KDM5A: variants seen among roughly 807,000 people sequenced by gnomAD.
KDM5A encodes lysine demethylase 5A.
In KDM5A, 42 loss-of-function variants were observed where a neutral mutation model predicts 193.5. The observed-to-expected ratio is 0.22, with a 90% confidence interval of 0.17 to 0.28. KDM5A has a LOEUF of 0.28. Ranked by LOEUF, KDM5A falls within the 10% of genes least tolerant of loss-of-function variation. The probability of loss-of-function intolerance (pLI) is 1.00; values close to 1 mark genes in which losing one functional copy is unlikely to be tolerated. For synonymous variants in KDM5A, 796 were observed against 718.1 expected (o/e 1.11, Z -1.73); for missense variants, 1,692 against 2,055.1 (o/e 0.82, Z 3.42).
chr12:321,114 T>C lies in KDM5A; in HGVS notation c.2427-5A>G. ...CTCCCACTATCTGGGCTCTGTCTGATGTGAAATAATATTGAGATATAAGTA... is the reference window on the plus strand; with the variant it reads ...CTCCCACTATCTGGGCTCTGTCTGACGTGAAATAATATTGAGATATAAGTA... On this transcript the variant is annotated splice_region_variant and splice_polypyrimidine_tract_variant and intron_variant, in intron 17 of 27. Coordinates refer to ENST00000399788, the MANE Select transcript of KDM5A (RefSeq NM_001042603.3). 3 of 1,590,386 alleles carry C rather than the reference T, an allele frequency of 1.9e-6. No individual in the cohort carries two copies. Among genetic ancestry groups the C allele is most frequent in the Non-Finnish European group, 2.6e-6 (3 of 1,158,448 alleles).
intron 27 of KDM5A, among the ~76,000 whole-genome samples, chr12:287,435 T>C (rs1199102239): frequency 2.6e-5 from 4 of 151,354 alleles, no homozygotes; most frequent in African/African-American, 7.3e-5. Flanking sequence ...GTTTAGCTTC[T>C]GAAGTCTGTG....
At chr12:380,009 C>G (rs1251666457) in intron 3 of KDM5A, among the ~76,000 whole-genome samples, 3 of 152,132 alleles carry the variant, frequency 2.0e-5, no homozygotes, top group East Asian at 1.9e-4. Flanking sequence ...TGGCTTGCAC[C>G]TGTAATCCCA....
intron 1 of KDM5A, among the ~76,000 whole-genome samples, chr12:387,469 A>G (rs1044839545): frequency 6.6e-6 from 1 of 152,238 alleles, no homozygotes; most frequent in Admixed American, 6.5e-5. Flanking sequence ...AGATTTGTTA[A>G]TATTAGGTAA....
At chr12:289,022 TTTGA>T (rs1323263479) in intron 27 of KDM5A, among the ~76,000 whole-genome samples, 1 of 152,226 alleles carries the variant, frequency 6.6e-6, no homozygotes, top group African/African-American at 2.4e-5. Context: ...ATGCAAATAC[TTTGA>T]TTGAGGCAAC....
In KDM5A at chr12:288,641, A is replaced by G. The variant is rs150850986; in HGVS notation, c.4867-2979T>C. On this transcript the variant is annotated intron_variant, in intron 27 of 27. Coordinates refer to ENST00000399788, the MANE Select transcript of KDM5A (RefSeq NM_001042603.3). ...GTGATATTCTTAGCTTACTAATTAA[A>G]CTGAGCTTTTGTTATTTTGGCATTT... Among the ~76,000 whole-genome samples the G allele has an allele frequency of 2.7e-3, 415 of 152,352 alleles. 2 individuals are homozygous for G. Among genetic ancestry groups the G allele is most frequent in the African/African-American group, 9.6e-3 (398 of 41,578 alleles).
chr12:297,018 A>C (rs748630896), intron 25 of KDM5A, 23 bp downstream of exon 25: 40 of 1,611,598 alleles, frequency 2.5e-5, no homozygotes, highest in Middle Eastern at 1.7e-4. Context: ...TATGTTCCCC[A>C]CAGTTTTTTA....
chr12:384,279 A>G (rs1944613139), intron 2 of KDM5A, 126 bp from the exon 3 acceptor site: 4 of 722,028 alleles, frequency 5.5e-6, no homozygotes, highest in Non-Finnish European at 1.0e-5. Context: ...ACCCAGCCAC[A>G]CAGCAGGAGG....
chr12:325,649 G>T (rs528990742), intron 14 of KDM5A, among the ~76,000 whole-genome samples: 1 of 152,076 alleles, frequency 6.6e-6, no homozygotes, highest in Admixed American at 6.6e-5. Context: ...ACTCCAACTC[G>T]GGCAACAGAG....
intron 10 of KDM5A, among the ~76,000 whole-genome samples, chr12:339,779 C>T (rs1943977601): frequency 6.6e-6 from 1 of 152,144 alleles, no homozygotes; most frequent in South Asian, 2.1e-4. Flanking sequence ...CAATGATTCT[C>T]ATCTCCTGAA....
At chr12:288,892 G>C (rs949457958) in intron 27 of KDM5A, among the ~76,000 whole-genome samples, 2 of 152,244 alleles carry the variant, frequency 1.3e-5, no homozygotes, top group Non-Finnish European at 2.9e-5. Flanking sequence ...GGGACAGTTA[G>C]TCACTCTAGC....
chr12:296,942 G>A (rs1022652460), intron 25 of KDM5A, 99 bp downstream of exon 25: 3 of 1,237,332 alleles, frequency 2.4e-6, no homozygotes, highest in African/African-American at 1.5e-5. Flanking sequence ...GCCAACCATT[G>A]TACTCCACTC....
At chr12:305,636 T>A (rs145568936) in intron 24 of KDM5A, among the ~76,000 whole-genome samples, 2 of 152,164 alleles carry the variant, frequency 1.3e-5, no homozygotes, top group Non-Finnish European at 2.9e-5. Context: ...ATAAAACAAG[T>A]CAATGGATTG....
chr12:316,043 C>G (rs972462913), intron 19 of KDM5A, among the ~76,000 whole-genome samples: 7 of 152,102 alleles, frequency 4.6e-5, no homozygotes, highest in Non-Finnish European at 1.0e-4. Context: ...TCAAGGAAAA[C>G]CATTATTTTA....
chr12:283,810 AT>A lies in KDM5A; in HGVS notation c.*1645del, dbSNP rs59742442. The A allele has an allele frequency of 0.36, 74,216 of 204,118 alleles. 11,997 individuals are homozygous for A. Among genetic ancestry groups the A allele is most frequent in the African/African-American group, 0.55 (24,025 of 44,016 alleles). 12.6% of individuals were successfully genotyped at this position (204,118 alleles called of 1,614,324 possible). A position where few individuals can be genotyped will look rare whatever the true frequency, so the allele number is the denominator to read the frequency against. ...TGATGACAAAACACTATTTTTAGTC[AT>A]TTTTTTTTTTGTCCTTTAAAAAAAA... On this transcript the variant is annotated 3_prime_UTR_variant, in exon 28 of 28. Coordinates refer to ENST00000399788, the MANE Select transcript of KDM5A (RefSeq NM_001042603.3).
chr12:370,027 CA>C (rs1944405982), intron 3 of KDM5A, among the ~76,000 whole-genome samples: 1 of 152,118 alleles, frequency 6.6e-6, no homozygotes, highest in African/African-American at 2.4e-5. Context: ...ACAATCTAAC[CA>C]AAAAACACAC....
chr12:340,693 A>C (rs12816260), intron 10 of KDM5A, among the ~76,000 whole-genome samples: 1 of 125,266 alleles, frequency 8.0e-6, no homozygotes, highest in African/African-American at 3.7e-5. Flanking sequence ...AGACTCCATC[A>C]CAAAAAAAAA....
intron 19 of KDM5A, among the ~76,000 whole-genome samples, chr12:313,833 T>C (rs1943618584): frequency 6.6e-6 from 1 of 152,128 alleles, no homozygotes; most frequent in Admixed American, 6.5e-5. Context: ...TGAGAAAGGC[T>C]TTGAAGTAGG....
chr12:302,046 T>A (rs928034678), intron 24 of KDM5A, among the ~76,000 whole-genome samples: 1 of 152,150 alleles, frequency 6.6e-6, no homozygotes, highest in African/African-American at 2.4e-5. Flanking sequence ...TGGAAGAACA[T>A]TCCATGCTCA....
intron 20 of KDM5A, among the ~76,000 whole-genome samples, chr12:312,775 T>C (rs1002720469): frequency 6.6e-6 from 1 of 152,238 alleles, no homozygotes; most frequent in Non-Finnish European, 1.5e-5. Flanking sequence ...TCGGCATGAC[T>C]GACTGGGAGC....
Sources: gnomAD v4.1 joint callset for allele counts (sites outside exome capture counted in the v4.1 genomes callset) on GRCh38, gnomAD v4.1.1 for gene constraint, MANE v1.5 for transcripts, NCBI Gene and HGNC (gene_info 2026-07-23, HGNC 2026-07-21) for gene names.